AKAP9: variants seen among roughly 807,000 people sequenced by gnomAD.
The protein encoded by AKAP9 is A-kinase anchoring protein 9.
In AKAP9, 311 loss-of-function variants were observed where a neutral mutation model predicts 488.5. That is an observed-to-expected ratio of 0.64 (90% confidence interval 0.58 to 0.70). The LOEUF is 0.70. Among genes scored for constraint, AKAP9 ranks in the 30% least tolerant of loss-of-function variants. AKAP9 has a pLI of 0.00. For synonymous variants in AKAP9, 1,462 were observed against 1,483.5 expected, an observed-to-expected ratio of 0.99 and a Z score of 0.33; for missense variants, 4,215 against 4,374.5, an observed-to-expected ratio of 0.96 and a Z score of 1.03.
At chr7:92,007,851 A>G (rs1388454020) in intron 8 of AKAP9, among the ~76,000 whole-genome samples, 1 of 152,268 alleles carries the variant, frequency 6.6e-6, no homozygotes, top group Non-Finnish European at 1.5e-5. Flanking sequence ...AAAAATGCAG[A>G]ATGCATTTAA....
intron 1 of AKAP9, among the ~76,000 whole-genome samples, chr7:91,943,818 T>C (rs984055158): frequency 1.3e-5 from 2 of 152,230 alleles, no homozygotes; most frequent in African/African-American, 4.8e-5. Flanking sequence ...GTGAAATCCA[T>C]ATTGCTGGCA....
chr7:92,045,094 G>A lies in AKAP9; in HGVS notation c.5249G>A (p.Gly1750Asp). 6.2e-7 allele frequency: 1 copy of A among 1,613,400 alleles called. No homozygotes were observed. Among genetic ancestry groups the A allele is most frequent in the Admixed American group, 1.7e-5 (1 of 59,872 alleles). Residue 1750 changes from glycine to aspartate, a missense_variant, in exon 21 of 50, where the codon GGT becomes GAT. Transcript: ENST00000356239. ...KTTAAVEETI[G>D]RHVLGILDRS... ...ACAGCAGCTGTTGAAGAAACAATTG[G>A]TCGCCATGTCCTTGGGATTCTAGAT...
In AKAP9 at chr7:92,061,362, C is replaced by T. The variant is rs1376889041; in HGVS notation, c.5704C>T (p.Arg1902Cys). Residue 1902 changes from arginine to cysteine, a missense_variant, in exon 23 of 50, where the codon CGC becomes TGC. Around this residue, in one of 5 missense-constraint regions of AKAP9, gnomAD observed 2,361 missense variants for 2,430.0 expected, o/e 0.97. Coordinates refer to ENST00000356239, the MANE Select transcript of AKAP9 (RefSeq NM_005751.5). ...TAAGTGCCAAGAGGAACTTCGAGAG[C>T]GCCTTCATGAGGAGTCCAGGGCCAG... ...SLKCQEELRE[R>C]LHEESRAREQ... 8.7e-6 allele frequency: 14 copies of T among 1,612,772 alleles called. No homozygotes were observed. The highest frequency in any genetic ancestry group is 5.0e-5 in the Admixed American group (3 of 59,864).
intron 9 of AKAP9, among the ~76,000 whole-genome samples, chr7:92,013,368 G>T (rs1047381506): frequency 1.3e-5 from 2 of 152,118 alleles, no homozygotes; most frequent in Admixed American, 6.5e-5. Flanking sequence ...AAAATTGAGA[G>T]TTCAAGGTGT....
intron 37 of AKAP9, among the ~76,000 whole-genome samples, chr7:92,088,649 G>T (rs562768778): frequency 6.6e-6 from 1 of 152,294 alleles, no homozygotes; most frequent in South Asian, 2.1e-4. Flanking sequence ...CTACAGAGGA[G>T]TTTCTTCGTG....
At chr7:91,978,213 G>T (rs1159008567) in intron 2 of AKAP9, among the ~76,000 whole-genome samples, 1 of 137,826 alleles carries the variant, frequency 7.3e-6, no homozygotes, top group Non-Finnish European at 1.5e-5. Flanking sequence ...CTGCACTCCA[G>T]CCTGGGCAAC....
intron 2 of AKAP9, among the ~76,000 whole-genome samples, chr7:91,975,278 G>A (rs1795514298): frequency 6.6e-6 from 1 of 152,072 alleles, no homozygotes; most frequent in Non-Finnish European, 1.5e-5. Context: ...GCTTATGCCT[G>A]TAAAGTTTTA....
intron 1 of AKAP9, among the ~76,000 whole-genome samples, chr7:91,945,537 A>G (rs1791361684): frequency 6.6e-6 from 1 of 152,118 alleles, no homozygotes. Flanking sequence ...AACAGAGGCC[A>G]GTGTAGCCTG....
intron 45 of AKAP9, among the ~76,000 whole-genome samples, chr7:92,101,392 G>A (rs1306713032): frequency 2.0e-5 from 3 of 151,062 alleles, no homozygotes; most frequent in East Asian, 2.0e-4. Flanking sequence ...AGCCGAGATC[G>A]CGCCACTGCA....
At chr7:91,941,169 G>C (rs536406787) in intron 1 of AKAP9, 22 bp downstream of exon 1, 2 of 1,612,552 alleles carry the variant, frequency 1.2e-6, no homozygotes, top group South Asian at 2.2e-5. Flanking sequence ...CGAGGCAACC[G>C]GGCCTGCGGT....
rs1320773363 is a variant in AKAP9 at position 91,948,604 on chromosome 7, T to TC, written c.48+7458dup. 5.7e-3 allele frequency among the ~76,000 whole-genome samples: 541 copies of TC among 95,066 alleles called. 2 individuals carry two copies. Among genetic ancestry groups the TC allele is most frequent in the South Asian group, 9.4e-3 (21 of 2,226 alleles). 62.4% of individuals were successfully genotyped at this position (95,066 alleles called of 152,430 possible). A position where few individuals can be genotyped will look rare whatever the true frequency, so the allele number is the denominator to read the frequency against. ...TGCACTTTTTGGCCACTTGTAGATT[T>TC]CTTTTTTTTTTTTTTTTTTTTTTTG... On this transcript the variant is annotated intron_variant, in intron 1 of 49. Coordinates refer to ENST00000356239, the MANE Select transcript of AKAP9 (RefSeq NM_005751.5).
Position 92,002,685 on chromosome 7 carries a change from T to G in AKAP9, c.2768T>G (p.Phe923Cys). The change falls in exon 8 of 50, where the codon TTT becomes TGT. Residue 923 changes from phenylalanine to cysteine, a missense_variant. This residue lies in a region of AKAP9 where 2,361 missense variants were observed against 2,430.0 expected (regional missense o/e 0.97). Transcript: ENST00000356239. ...TCTGTCTTTGATGAAGACAAAACTTTTGTAGCAGAAACATTGGAAATGGGT... is the reference window on the plus strand; with the variant it reads ...TCTGTCTTTGATGAAGACAAAACTTGTGTAGCAGAAACATTGGAAATGGGT... ...KSSVFDEDKT[F>C]VAETLEMGEV... 6 of 1,613,522 alleles carry G rather than the reference T, an allele frequency of 3.7e-6. No homozygotes were observed. Among genetic ancestry groups the G allele is most frequent in the Non-Finnish European group, 5.1e-6 (6 of 1,179,686 alleles).
At chr7:91,943,338 T>C (rs1247414854) in intron 1 of AKAP9, among the ~76,000 whole-genome samples, 1 of 152,138 alleles carries the variant, frequency 6.6e-6, no homozygotes, top group Non-Finnish European at 1.5e-5. Flanking sequence ...ATATGAAAAA[T>C]AGTGTGAAAA....
intron 21 of AKAP9, among the ~76,000 whole-genome samples, chr7:92,045,818 T>C (rs970643156): frequency 6.7e-6 from 1 of 150,374 alleles, no homozygotes; most frequent in Non-Finnish European, 1.5e-5. Flanking sequence ...GATTCAGCTC[T>C]TCTTTCCGTT....
chr7:91,947,026 T>C (rs1051490798), intron 1 of AKAP9, among the ~76,000 whole-genome samples: 4 of 152,192 alleles, frequency 2.6e-5, no homozygotes, highest in African/African-American at 9.7e-5. Context: ...TTATATTCAT[T>C]TCTTAGTAAG....
In AKAP9 at chr7:92,022,965, A is replaced by G; in HGVS notation, c.4104A>G (p.Leu1368=). 1 of 1,614,088 alleles carries G rather than the reference A, an allele frequency of 6.2e-7. No homozygotes were observed. The highest frequency in any genetic ancestry group is 1.1e-5 in the South Asian group (1 of 91,084). The change falls in exon 14 of 50, where the codon TTA becomes TTG. Residue 1368 remains leucine, a synonymous_variant. Transcript: ENST00000356239. ...ACTATGAGGCAGAGATCCACTGTTT[A>G]CAGAAGAGGCTTCAAGCTGTTAGTG... ...EQNYEAEIHC[L]QKRLQAVSES... is the part of the protein sequence containing the mutation.
At chr7:92,009,572 A>T (rs1800408481) in intron 8 of AKAP9, among the ~76,000 whole-genome samples, 1 of 152,238 alleles carries the variant, frequency 6.6e-6, no homozygotes, top group Admixed American at 6.5e-5. Flanking sequence ...ATTGCTTAAT[A>T]AAATAGGATT....
chr7:91,973,685 A>ATAT, intron 1 of AKAP9, 26 bp from the exon 2 acceptor site: 1 of 1,610,292 alleles, frequency 6.2e-7, no homozygotes, highest in Non-Finnish European at 8.5e-7. Flanking sequence ...ATCTTTGACA[A>ATAT]TAACGGTTAT....
intron 3 of AKAP9, among the ~76,000 whole-genome samples, chr7:91,981,762 C>T (rs978514084): frequency 2.0e-5 from 3 of 152,066 alleles, no homozygotes; most frequent in African/African-American, 4.8e-5. Flanking sequence ...TGTGCCACCA[C>T]ACCCGGCTAA....
Sources: allele counts gnomAD v4.1 joint callset (sites outside exome capture counted in the v4.1 genomes callset), GRCh38; gene constraint gnomAD v4.1.1; regional missense constraint gnomAD v4.1.1; transcripts MANE v1.5; gene names NCBI Gene and HGNC (gene_info 2026-07-23, HGNC 2026-07-21).